KCNK7: variants seen among roughly 807,000 people sequenced by gnomAD.
KCNK7 encodes the protein potassium channel subfamily K member 7.
In KCNK7, 14 loss-of-function variants were observed where a neutral mutation model predicts 18.1. The ratio of observed to expected loss-of-function variants is 0.77; its 90% CI spans 0.51 to 1.21. The LOEUF is 1.21. Among genes scored for constraint, KCNK7 ranks in the 50% most tolerant of loss-of-function variants. KCNK7 has a pLI of 0.00. For synonymous variants in KCNK7, 188 were observed against 184.7 expected (o/e 1.02, Z -0.15); for missense variants, 385 against 387.3 (o/e 0.99, Z 0.05).
intron 1 of KCNK7, among the ~76,000 whole-genome samples, 154 bp downstream of exon 1, chr11:65,595,300 G>T (rs990321709): frequency 2.0e-5 from 3 of 152,234 alleles, no homozygotes; most frequent in Non-Finnish European, 4.4e-5. Flanking sequence ...GGGTGTGTTG[G>T]TGGGGAGCCC....
chr11:65,595,698 A>T lies in KCNK7; in HGVS notation c.75T>A (p.Ala25=). 1.3e-6 allele frequency: 2 copies of T among 1,596,180 alleles called. No homozygotes were observed. The highest frequency in any genetic ancestry group is 2.2e-5 in the South Asian group (2 of 89,382). Residue 25 remains alanine, a synonymous_variant, in exon 1 of 3, where the codon GCT becomes GCA. Transcript: ENST00000340313. ...GCCCCTCCAGGGCCTGGAACACCAC[A>T]GCCCCAAGCCCCAGGGCCAGCAAGT... ...VAHLLALGLG[A]VVFQALEGPP...
Position 65,593,685 on chromosome 11 carries a change from T to G in KCNK7, c.509A>C (p.Gln170Pro). 1 of 1,606,848 alleles carries G rather than the reference T, an allele frequency of 6.2e-7. No homozygotes were observed. The highest frequency in any genetic ancestry group is 1.7e-5 in the Admixed American group (1 of 59,920). Residue 170 changes from glutamine to proline, a missense_variant, in exon 2 of 3, where the codon CAG becomes CCG. Physicochemically the swap from Gln to Pro is moderately conservative, Grantham distance 76. Transcript: ENST00000340313. Reference protein sequence around the residue: ...QLSPARAALLQAVALGLLVAS... With the variant: ...QLSPARAALLPAVALGLLVAS... ...CACCAGCAGTCCCAGTGCAACTGCC[T>G]GCAGCAGCGCAGCCCTGGCCGGTGA...
In KCNK7 at chr11:65,595,500, G is replaced by T; in HGVS notation, c.273C>A (p.Asp91Glu). The T allele has an allele frequency of 6.6e-7, 1 of 1,512,948 alleles. No homozygotes were observed. The highest frequency in any genetic ancestry group is 8.9e-7 in the Non-Finnish European group (1 of 1,120,532). The allele number at this position is 1,512,948 out of a possible 1,614,324, so 93.7% of individuals were successfully genotyped here. Residue 91 changes from aspartate (D) to glutamate (E), a missense_variant, in exon 1 of 3, where the codon GAC becomes GAA. By Grantham distance (45) the Asp-to-Glu change is conservative (BLOSUM62 2). Coordinates refer to ENST00000340313, the MANE Select transcript of KCNK7 (RefSeq NM_033347.2). ...LGNSSEGRTW[D>E]LPSALLFAAS... ...CAGCGAAGAGCAGGGCTGAGGGAAG[G>T]TCCCAGGTCCTGCCCTCTGAGCTGT...
chr11:65,595,611 A>G lies in KCNK7; in HGVS notation c.162T>C (p.His54=), dbSNP rs1378254965. Residue 54 remains histidine, a synonymous_variant, in exon 1 of 3, where the codon CAT becomes CAC. Transcript: ENST00000340313. ...GAGCTCCGGGTGGCAGGCAGGCCCT[A>G]TGCTCTGCCTGGAAGGCTGCCAGCT... is the stretch of plus-strand genomic sequence containing the variant. The part of the protein sequence containing the change: ...RAELAAFQAE[H]RACLPPGALE... 4.4e-6 allele frequency: 7 copies of G among 1,602,762 alleles called. No individual in the cohort carries two copies. The African/African-American group carries it at 6.7e-5, about 15-fold the overall frequency.
At chr11:65,593,332 G>C in intron 2 of KCNK7, 122 bp from the exon 3 acceptor site, 1 of 1,613,956 alleles carries the variant, frequency 6.2e-7, no homozygotes, top group South Asian at 1.1e-5. Context: ...GCTGCCACCA[G>C]AGCTCTTCGA....
chr11:65,595,466 G>C lies in KCNK7; in HGVS notation c.307C>G (p.Leu103Val). Residue 103 changes from leucine (L) to valine (V), a missense_variant, in exon 1 of 3, where the codon CTC (leucine) becomes GTC (valine). Transcript: ENST00000340313. ...CTGGCTCTCTTACCTGTGGTGGTGA[G>C]GATGCTGGCAGCGAAGAGCAGGGCT... ...PSALLFAASI[L>V]TTTGYGHMAP... The C allele has an allele frequency of 6.9e-7, 1 of 1,454,844 alleles. No homozygotes were observed. The allele number at this position is 1,454,844 out of a possible 1,614,324, so 90.1% of individuals were successfully genotyped here. A position where few individuals can be genotyped will look rare whatever the true frequency, so the allele number is the denominator to read the frequency against.
Position 65,592,891 on chromosome 11 carries a change from G to A in KCNK7, c.*114C>T, listed in dbSNP as rs1858424755. ...TTTATGATTAACAGTATCCTCTGAG[G>A]CCTCCCGCCCACCCTCACCGCGGCT... On this transcript the variant is annotated 3_prime_UTR_variant, in exon 3 of 3. Transcript: ENST00000340313. The A allele has an allele frequency of 7.9e-7, 1 of 1,263,144 alleles. No individual in the cohort carries two copies. The highest frequency in any genetic ancestry group is 1.5e-5 in the African/African-American group (1 of 66,458). 78.2% of individuals were successfully genotyped at this position (1,263,144 alleles called of 1,614,324 possible).
Position 65,592,972 on chromosome 11 carries a change from A to C in KCNK7, c.*33T>G, listed in dbSNP as rs1207785529. ...GGCTGCTTCCTCCTCAGGTGCCGCC[A>C]CCTTACGGAGCTGAACTCGGTCACC... On this transcript the variant is annotated 3_prime_UTR_variant, in exon 3 of 3. Transcript: ENST00000340313. 1.3e-6 allele frequency: 2 copies of C among 1,599,532 alleles called. No homozygotes were observed. The highest frequency in any genetic ancestry group is 1.7e-6 in the Non-Finnish European group (2 of 1,173,452).
rs1858424626 is a variant in KCNK7 at position 65,592,889 on chromosome 11, A to G, written c.*116T>C. On this transcript the variant is annotated 3_prime_UTR_variant, in exon 3 of 3. Coordinates refer to ENST00000340313, the MANE Select transcript of KCNK7 (RefSeq NM_033347.2). Reference sequence around the variant, plus strand: ...ATTTTATGATTAACAGTATCCTCTGAGGCCTCCCGCCCACCCTCACCGCGG... The same window carrying G: ...ATTTTATGATTAACAGTATCCTCTGGGGCCTCCCGCCCACCCTCACCGCGG... 1 of 1,240,732 alleles carries G rather than the reference A, an allele frequency of 8.1e-7. No homozygotes were observed. Among genetic ancestry groups the G allele is most frequent in the South Asian group, 1.5e-5 (1 of 66,532 alleles). The allele number at this position is 1,240,732 out of a possible 1,614,324, so 76.9% of individuals were successfully genotyped here.
chr11:65,593,601 CTGCAGTCG>C lies in KCNK7; in HGVS notation c.585_592del (p.Asp196ProfsTer60). 6.2e-7 allele frequency: 1 copy of C among 1,605,738 alleles called. No homozygotes were observed. The highest frequency in any genetic ancestry group is 1.7e-5 in the Admixed American group (1 of 59,994). On this transcript the variant is annotated frameshift_variant, in exon 2 of 3. Coordinates refer to ENST00000340313, the MANE Select transcript of KCNK7 (RefSeq NM_033347.2). LOFTEE classifies it high-confidence loss of function. Reference sequence around the variant, plus strand: ...GCAGAAGTAGACGGCCCCCAGCAGGCTGCAGTCGCCCTGAAGGCCCCACAGCACCAGCG... The same window carrying C: ...GCAGAAGTAGACGGCCCCCAGCAGGCCCCTGAAGGCCCCACAGCACCAGCG...
In KCNK7 at chr11:65,593,561, G is replaced by A. The variant is rs771291504; in HGVS notation, c.633C>T (p.Ser211=). 4.4e-6 allele frequency: 7 copies of A among 1,609,148 alleles called. No individual in the cohort carries two copies. In the African/African-American group the frequency reaches 6.7e-5, roughly 15 times the overall value. ...GCAGCAAGTCCTCCAGGCCAATGGT[G>A]CTGAGCGAGCTGAAGCAGAAGTAGA... is the stretch of plus-strand genomic sequence containing the variant. ...GAVYFCFSSL[S]TIGLEDLLPG... Residue 211 remains serine, a synonymous_variant, in exon 2 of 3, where the codon AGC becomes AGT. Transcript: ENST00000340313.
At chr11:65,594,440 A>C (rs1414267034) in intron 1 of KCNK7, among the ~76,000 whole-genome samples, 1 of 152,176 alleles carries the variant, frequency 6.6e-6, no homozygotes, top group African/African-American at 2.4e-5. Flanking sequence ...GGAGACAAAC[A>C]GGAGTGGTGG....
rs1210951109 is a variant in KCNK7, at chr11:65,593,193, G to A, written c.736C>T (p.Leu246Phe). Reference sequence around the variant, plus strand: ...TCCACTGCCAGCAGCATGGCCAAGAGTCCTAGAAGCAAGTAACCTGGGGAG... The same window carrying A: ...TCCACTGCCAGCAGCATGGCCAAGAATCCTAGAAGCAAGTAACCTGGGGAG... Reference protein sequence around the residue: ...LALLGYLLLGLLAMLLAVETF... With the variant: ...LALLGYLLLGFLAMLLAVETF... Residue 246 changes from leucine to phenylalanine, a missense_variant, in exon 3 of 3, where the codon CTC becomes TTC. Physicochemically the swap from Leu to Phe is conservative, Grantham distance 22 (BLOSUM62 0). Coordinates refer to ENST00000340313, the MANE Select transcript of KCNK7 (RefSeq NM_033347.2). 6.2e-7 allele frequency: 1 copy of A among 1,613,416 alleles called. No individual in the cohort carries two copies. Among genetic ancestry groups the A allele is most frequent in the East Asian group, 2.2e-5 (1 of 44,826 alleles).
rs1177282922 is a variant in KCNK7, at chr11:65,593,886, A to T, written c.320-12T>A. 6.6e-7 allele frequency: 1 copy of T among 1,518,262 alleles called. No individual in the cohort carries two copies. The highest frequency in any genetic ancestry group is 8.8e-7 in the Non-Finnish European group (1 of 1,135,016). The allele number at this position is 1,518,262 out of a possible 1,614,324, so 94.0% of individuals were successfully genotyped here. On this transcript the variant is annotated splice_polypyrimidine_tract_variant and intron_variant, in intron 1 of 2. Transcript: ENST00000340313. ...CATGTGGCCATAACCTGGAGAAGAG[A>T]GAGTCAGTGGACAGTGAGAGCTCTG... is the stretch of plus-strand genomic sequence containing the variant.
Position 65,593,537 on chromosome 11 carries a change from C to A in KCNK7, c.657G>T (p.Leu219=). The A allele has an allele frequency of 1.9e-6, 3 of 1,611,664 alleles. No homozygotes were observed. Among genetic ancestry groups the A allele is most frequent in the Non-Finnish European group, 2.5e-6 (3 of 1,179,994 alleles). The change falls in exon 2 of 3, where the codon CTG becomes CTT. Residue 219 remains leucine, a synonymous_variant. Coordinates refer to ENST00000340313, the MANE Select transcript of KCNK7 (RefSeq NM_033347.2). ...SLSTIGLEDL[L]PGRGRSLHPV... is the part of the protein sequence containing the mutation. ...GGTGCAGGCTGCGGCCGCGGCCGGG[C>A]AGCAAGTCCTCCAGGCCAATGGTGC... is the stretch of plus-strand genomic sequence containing the variant.
At position 65,595,602 on chromosome 11, in the gene KCNK7, G is replaced by A. The variant is rs1406756905; in HGVS notation, c.171C>T (p.Cys57=). The A allele has an allele frequency of 1.3e-6, 2 of 1,596,572 alleles. No homozygotes were observed. Among genetic ancestry groups the A allele is most frequent in the Non-Finnish European group, 1.7e-6 (2 of 1,169,300 alleles). Residue 57 remains cysteine, a synonymous_variant, in exon 1 of 3, where the codon TGC becomes TGT. Coordinates refer to ENST00000340313, the MANE Select transcript of KCNK7 (RefSeq NM_033347.2). ...LAAFQAEHRA[C]LPPGALEELL... ...GCTCTTCCAGAGCTCCGGGTGGCAG[G>A]CAGGCCCTATGCTCTGCCTGGAAGG...
In KCNK7 at chr11:65,595,740, C is replaced by T. The variant is rs1223473767; in HGVS notation, c.33G>A (p.Gly11=). 2 of 1,572,138 alleles carry T rather than the reference C, an allele frequency of 1.3e-6. No homozygotes were observed. The highest frequency in any genetic ancestry group is 1.7e-6 in the Non-Finnish European group (2 of 1,153,552). Residue 11 remains glycine, a synonymous_variant, in exon 1 of 3, where the codon GGG becomes GGA. Coordinates refer to ENST00000340313, the MANE Select transcript of KCNK7 (RefSeq NM_033347.2). The stretch of plus-strand genomic sequence containing the variant: ...CCAGCAAGTGGGCCACAACCAGGAG[C>T]CCGTATCGGGACCAGGGCCTTAGAC... The part of the protein sequence containing the change: MGGLRPWSRY[G]LLVVAHLLAL...
At chr11:65,595,090 C>G (rs73490460) in intron 1 of KCNK7, among the ~76,000 whole-genome samples, 61 of 152,280 alleles carry the variant, frequency 4.0e-4, no homozygotes, top group African/African-American at 1.3e-3. Context: ...CTCACTCCCC[C>G]ACCCGAGGCC....
chr11:65,593,357 C>T, intron 2 of KCNK7, 119 bp downstream of exon 2: 1 of 1,613,928 alleles, frequency 6.2e-7, no homozygotes, highest in East Asian at 2.2e-5. Flanking sequence ...CCCTCCCACG[C>T]CGTGCCCTGG....
Sources: allele counts gnomAD v4.1 joint callset (sites outside exome capture counted in the v4.1 genomes callset), GRCh38; gene constraint gnomAD v4.1.1; transcripts MANE v1.5; gene names NCBI Gene and HGNC (gene_info 2026-07-23, HGNC 2026-07-21).